The following ZNF429 variants were observed in gnomAD, a reference collection of about 807,000 sequenced individuals.
ZNF429 encodes zinc finger protein 429.
Under a neutral mutation model 56.8 loss-of-function variants are expected in ZNF429, and 53 were observed. That is an observed-to-expected ratio of 0.93 (90% confidence interval 0.75 to 1.17). The LOEUF (loss-of-function observed/expected upper bound fraction) is 1.17, where lower values mean the gene tolerates loss of function less well. ZNF429 is among the 50% of genes most tolerant of loss of function. ZNF429 has a pLI of 0.00. For synonymous variants in ZNF429, 278 were observed against 264.7 expected, an observed-to-expected ratio of 1.05 and a Z score of -0.49; for missense variants, 849 against 788.4, an observed-to-expected ratio of 1.08 and a Z score of -0.92.
At position 21,536,826 on chromosome 19, in the gene ZNF429, A is replaced by C. The variant is rs777964358; in HGVS notation, c.773A>C (p.Lys258Thr). Residue 258 changes from lysine to threonine, a missense_variant, in exon 4 of 4, where the codon AAA becomes ACA. Coordinates refer to ENST00000358491, the MANE Select transcript of ZNF429 (RefSeq NM_001001415.4). ...KRIHTGEKPY[K>T]CKECGKAFSR... ...ATTCATACTGGAGAGAAACCCTACA[A>C]ATGTAAAGAATGTGGCAAAGCCTTT... The C allele has an allele frequency of 1.2e-5, 20 of 1,613,816 alleles. No homozygotes were observed. The highest frequency in any genetic ancestry group is 8.3e-5 in the Admixed American group (5 of 60,012).
chr19:21,524,445 T>C (rs964382057), intron 1 of ZNF429, among the ~76,000 whole-genome samples: 11 of 152,064 alleles, frequency 7.2e-5, no homozygotes, highest in Non-Finnish European at 1.0e-4. Context: ...GGAAAATCGC[T>C]TGAACCTAGG....
chr19:21,512,386 C>G (rs1236270918), intron 1 of ZNF429, among the ~76,000 whole-genome samples: 1 of 152,006 alleles, frequency 6.6e-6, no homozygotes, highest in Non-Finnish European at 1.5e-5. Context: ...AATGCCTTAA[C>G]TGTGGGCCAT....
At chr19:21,531,472 A>G in intron 3 of ZNF429, among the ~76,000 whole-genome samples, 9 of 152,162 alleles carry the variant, frequency 5.9e-5, no homozygotes, top group African/African-American at 2.2e-4. Context: ...CTATTTTAAT[A>G]TAGTACTGGA....
rs544169943 is a variant in ZNF429 at position 21,514,515 on chromosome 19, C to CT, written c.3+8751dup. On this transcript the variant is annotated intron_variant, in intron 1 of 3. Transcript: ENST00000358491. ...TTGCTGCAAAGGACATGATCTTGTT[C>CT]TTTTTTTTTTAAATAACCACACAGC... 1.3e-4 allele frequency among the ~76,000 whole-genome samples: 19 copies of CT among 148,158 alleles called. 1 individual carries two copies. The highest frequency in any genetic ancestry group is 7.4e-4 in the Admixed American group (11 of 14,790).
At position 21,535,380 on chromosome 19, in the gene ZNF429, TTTTA is replaced by T; in HGVS notation, c.227-899_227-896del. Among the ~76,000 whole-genome samples the T allele has an allele frequency of 3.0e-3, 151 of 50,022 alleles. 12 individuals are homozygous for T. The highest frequency in any genetic ancestry group is 3.3e-3 in the Non-Finnish European group (83 of 25,402). 32.8% of individuals were successfully genotyped at this position (50,022 alleles called of 152,430 possible). On this transcript the variant is annotated intron_variant, in intron 3 of 3. Transcript: ENST00000358491. ...TTTCTTCTTTCTTTCTTTCTTTCTT[TTTTA>T]CTTTCTTTCTTTCTTTCTTTCTTTT...
Position 21,519,304 on chromosome 19 carries a change from A to G in ZNF429, c.4-10354A>G, listed in dbSNP as rs536109097. On this transcript the variant is annotated intron_variant, in intron 1 of 3. Coordinates refer to ENST00000358491, the MANE Select transcript of ZNF429 (RefSeq NM_001001415.4). ...CCAGCATTCCCTCAACATAGGGAGA[A>G]GAGAAACAAATTTTCCTTTCTCTTA... 7.2e-5 allele frequency among the ~76,000 whole-genome samples: 11 copies of G among 152,304 alleles called. No homozygotes were observed. In the South Asian group the frequency reaches 1.9e-3, roughly 26 times the overall value.
chr19:21,525,620 A>G (rs2033135289), intron 1 of ZNF429, among the ~76,000 whole-genome samples: 1 of 144,684 alleles, frequency 6.9e-6, no homozygotes, highest in Non-Finnish European at 1.6e-5. Flanking sequence ...AAAGCAGATA[A>G]GTGGAAAAAT....
rs371339989 is a variant in ZNF429 at position 21,537,948 on chromosome 19, G to T, written c.1895G>T (p.Arg632Leu). Residue 632 changes from arginine (R) to leucine (L), a missense_variant, in exon 4 of 4, where the codon CGG becomes CTG. Physicochemically the swap from Arg to Leu is moderately radical, Grantham distance 102. Coordinates refer to ENST00000358491, the MANE Select transcript of ZNF429 (RefSeq NM_001001415.4). ...GAAGAATGTGCCAAAGCTTTTACCC[G>T]GTCTTCAAGACTTACTCAACATAAG... ...KCEECAKAFT[R>L]SSRLTQHKKI... The T allele has an allele frequency of 8.7e-6, 14 of 1,613,818 alleles. No homozygotes were observed. The highest frequency in any genetic ancestry group is 1.2e-5 in the Non-Finnish European group (14 of 1,179,926).
Position 21,537,873 on chromosome 19 carries a change from G to A in ZNF429, c.1820G>A (p.Arg607Lys). 1 of 1,613,890 alleles carries A rather than the reference G, an allele frequency of 6.2e-7. No homozygotes were observed. ...ECGKAFNRSS[R>K]LTQHKKIHTR... ...GGCAAAGCTTTTAATCGGTCCTCAA[G>A]ACTTACTCAACATAAGAAAATTCAT... Residue 607 changes from arginine to lysine, a missense_variant, in exon 4 of 4, where the codon AGA becomes AAA. By Grantham distance (26) the Arg-to-Lys change is conservative. Transcript: ENST00000358491.
intron 1 of ZNF429, among the ~76,000 whole-genome samples, chr19:21,512,695 A>G (rs967503441): frequency 2.0e-5 from 3 of 150,976 alleles, no homozygotes; most frequent in African/African-American, 2.4e-5. Flanking sequence ...GGAGGAAAGA[A>G]TGCCTTAACT....
intron 1 of ZNF429, among the ~76,000 whole-genome samples, chr19:21,525,659 G>A (rs956579910): frequency 1.3e-5 from 2 of 152,162 alleles, no homozygotes; most frequent in African/African-American, 4.8e-5. Context: ...ATTAAAATCA[G>A]TGCTTACCAA....
At chr19:21,530,083 C>T in intron 2 of ZNF429, among the ~76,000 whole-genome samples, 1 of 151,334 alleles carries the variant, frequency 6.6e-6, no homozygotes, top group East Asian at 2.0e-4. Context: ...CCCAGCTACT[C>T]GGGAGGCTGA....
rs759051894 is a variant in ZNF429 at position 21,537,621 on chromosome 19, G to A, written c.1568G>A (p.Arg523Lys). ...GGCAAAGCTTTTATCCTGTCCTCAAGACTTACTCAACATAAGAAAATTCAT... is the reference window on the plus strand; with the variant it reads ...GGCAAAGCTTTTATCCTGTCCTCAAAACTTACTCAACATAAGAAAATTCAT... ...ECGKAFILSS[R>K]LTQHKKIHTG... The change falls in exon 4 of 4, where the codon AGA (arginine) becomes AAA (lysine). Residue 523 changes from arginine to lysine, a missense_variant. Transcript: ENST00000358491. 1 of 1,607,768 alleles carries A rather than the reference G, an allele frequency of 6.2e-7. No individual in the cohort carries two copies. The highest frequency in any genetic ancestry group is 1.7e-5 in the Admixed American group (1 of 59,390).
intron 2 of ZNF429, among the ~76,000 whole-genome samples, chr19:21,530,250 G>A: frequency 2.6e-5 from 4 of 151,304 alleles, no homozygotes; most frequent in Admixed American, 6.6e-5. Context: ...TCTTCAAGAT[G>A]TTTTGTCTTC....
chr19:21,511,101 C>A lies in ZNF429; in HGVS notation c.3+5327C>A, dbSNP rs573894936. 3.9e-3 allele frequency among the ~76,000 whole-genome samples: 592 copies of A among 152,368 alleles called. 5 individuals are homozygous for A. The highest frequency in any genetic ancestry group is 0.01 in the Middle Eastern group (3 of 294). ...GTTCTCAATGAGCTGTTGGGTACAC[C>A]TCCCAGACGGGGTGGTGGCCGGGCA... On this transcript the variant is annotated intron_variant, in intron 1 of 3. Transcript: ENST00000358491.
chr19:21,507,099 G>A (rs544767120), intron 1 of ZNF429, among the ~76,000 whole-genome samples: 1 of 151,894 alleles, frequency 6.6e-6, no homozygotes, highest in South Asian at 2.1e-4. Context: ...AGGAATTCAG[G>A]GACTACAGCC....
chr19:21,526,680 C>G (rs184129930), intron 1 of ZNF429, among the ~76,000 whole-genome samples: 210 of 152,298 alleles, frequency 1.4e-3, no homozygotes, highest in Non-Finnish European at 1.9e-3. Context: ...GCACTATAAC[C>G]CATACTCTAA....
intron 1 of ZNF429, among the ~76,000 whole-genome samples, chr19:21,512,200 G>A (rs1406680958): frequency 1.3e-5 from 2 of 152,066 alleles, no homozygotes; most frequent in Admixed American, 6.5e-5. Flanking sequence ...ATATTGCATT[G>A]GCATTTGTAA....
At position 21,537,718 on chromosome 19, in the gene ZNF429, T is replaced by G. The variant is rs201618245; in HGVS notation, c.1665T>G (p.His555Gln). Reference protein sequence around the residue: ...AFNRSSRLTQHKKIHTGEKPY... With the variant: ...AFNRSSRLTQQKKIHTGEKPY... ...ACCGGTCCTCAAGACTTACTCAACA[T>G]AAGAAAATTCATACTGGAGAGAAAC... is the stretch of plus-strand genomic sequence containing the variant. The change falls in exon 4 of 4, where the codon CAT becomes CAG. Residue 555 changes from histidine to glutamine, a missense_variant. Physicochemically the swap from His to Gln is conservative, Grantham distance 24. Transcript: ENST00000358491. 1.2e-6 allele frequency: 2 copies of G among 1,613,678 alleles called. No individual in the cohort carries two copies. Among genetic ancestry groups the G allele is most frequent in the Non-Finnish European group, 1.7e-6 (2 of 1,179,968 alleles).
Sources: allele counts gnomAD v4.1 joint callset (sites outside exome capture counted in the v4.1 genomes callset), GRCh38; gene constraint gnomAD v4.1.1; transcripts MANE v1.5; gene names NCBI Gene and HGNC (gene_info 2026-07-23, HGNC 2026-07-21).